The following ANKRD27 variants were observed in gnomAD, a reference collection of about 807,000 sequenced individuals.
The protein encoded by ANKRD27 is ankyrin repeat domain-containing protein 27.
ANKRD27 carries 112 observed loss-of-function variants against 129.7 expected under a neutral mutation model. The ratio of observed to expected loss-of-function variants is 0.86; its 90% CI spans 0.74 to 1.01. ANKRD27 has a LOEUF of 1.01. ANKRD27 is among the 50% of genes least tolerant of loss of function. ANKRD27 has a pLI of 0.00. For missense variants in ANKRD27, 1,258 were observed against 1,300.5 expected, an observed-to-expected ratio of 0.97 and a Z score of 0.50; for synonymous variants, 516 against 511.2, an observed-to-expected ratio of 1.01 and a Z score of -0.13.
chr19:32,665,465 TG>T (rs200328162), intron 1 of ANKRD27, among the ~76,000 whole-genome samples: 41 of 149,178 alleles, frequency 2.7e-4, no homozygotes, highest in Non-Finnish European at 3.3e-4. Flanking sequence ...AATTTTTGTT[TG>T]TTTGTTTGTT....
intron 3 of ANKRD27, 139 bp downstream of exon 3, chr19:32,649,543 G>T: frequency 1.5e-6 from 1 of 662,928 alleles, no homozygotes; most frequent in South Asian, 1.7e-5. Flanking sequence ...GGTCCCTCCA[G>T]CCCCCCACGG....
intron 22 of ANKRD27, among the ~76,000 whole-genome samples, chr19:32,608,992 C>T (rs762857181): frequency 9.2e-5 from 14 of 151,964 alleles, no homozygotes; most frequent in African/African-American, 1.5e-4. Flanking sequence ...CTCAGCCTCC[C>T]AAGTAGCTGG....
intron 2 of ANKRD27, among the ~76,000 whole-genome samples, chr19:32,650,818 T>C (rs1391279734): frequency 6.8e-6 from 1 of 146,002 alleles, no homozygotes; most frequent in South Asian, 2.2e-4. Context: ...GGCGCAATCA[T>C]AGCTCACTGC....
At chr19:32,600,800 G>A (rs17760114) in intron 26 of ANKRD27, among the ~76,000 whole-genome samples, 1 of 151,902 alleles carries the variant, frequency 6.6e-6, no homozygotes, top group East Asian at 1.9e-4. Context: ...CAGGGTTATC[G>A]AGATATGTGA....
intron 22 of ANKRD27, among the ~76,000 whole-genome samples, chr19:32,613,830 TC>T: frequency 6.6e-6 from 1 of 150,444 alleles, no homozygotes; most frequent in African/African-American, 2.4e-5. Flanking sequence ...TGCCTCAGCC[TC>T]CCGAGTAGCT....
chr19:32,618,451 G>GAAAAAAAA (rs55674756), intron 20 of ANKRD27, among the ~76,000 whole-genome samples: 1 of 100,320 alleles, frequency 1.0e-5, no homozygotes, highest in Admixed American at 1.2e-4. Flanking sequence ...GTCCCAAAAA[G>GAAAAAAAA]AAAAAAAAAA....
In ANKRD27 at chr19:32,643,148, C is replaced by A. The variant is rs138767777; in HGVS notation, c.757G>T (p.Asp253Tyr). The part of the protein sequence containing the change: ...TRSLQDLQQK[D>Y]IGVKPEFSFN... The stretch of plus-strand genomic sequence containing the variant: ...CTGAACTCCGGTTTCACACCAATAT[C>A]TTTCTGCTGAAGATCTTGAAGGCTT... The change falls in exon 9 of 29, where the codon GAT becomes TAT. Residue 253 changes from aspartate to tyrosine, a missense_variant. Asp to Tyr is a radical substitution (Grantham distance 160). Transcript: ENST00000306065. The A allele has an allele frequency of 1.9e-6, 3 of 1,613,810 alleles. No homozygotes were observed. The African/African-American group carries it at 4.0e-5, about 22-fold the overall frequency.
intron 17 of ANKRD27, among the ~76,000 whole-genome samples, chr19:32,624,932 C>A (rs28459606): frequency 2.6e-5 from 4 of 151,440 alleles, no homozygotes; most frequent in African/African-American, 9.7e-5. Context: ...GATCTTGTCT[C>A]AAAAAAAATT....
At chr19:32,673,655 G>A (rs149646832) in intron 1 of ANKRD27, among the ~76,000 whole-genome samples, 2 of 152,136 alleles carry the variant, frequency 1.3e-5, no homozygotes, top group African/African-American at 4.8e-5. Context: ...CCTATGTAGC[G>A]TGTGGGTGGC....
intron 1 of ANKRD27, chr19:32,673,078 A>C (rs1030868996): frequency 6.5e-6 from 1 of 152,850 alleles, no homozygotes; most frequent in African/African-American, 2.4e-5. Flanking sequence ...AAGACCCAGC[A>C]GCTGTCTTGG....
At chr19:32,623,511 C>T (rs1972044607) in intron 17 of ANKRD27, among the ~76,000 whole-genome samples, 1 of 151,380 alleles carries the variant, frequency 6.6e-6, no homozygotes. Flanking sequence ...GCTGGAAGAA[C>T]TGAGCCCATC....
chr19:32,652,777 A>AC (rs1188635189), intron 2 of ANKRD27, among the ~76,000 whole-genome samples: 1 of 151,816 alleles, frequency 6.6e-6, no homozygotes, highest in African/African-American at 2.4e-5. Flanking sequence ...AAAATACAAA[A>AC]ATTAGCCAGG....
In ANKRD27 at chr19:32,628,711, C is replaced by T. The variant is rs781360015; in HGVS notation, c.1337+11G>A. ...TCCTGGCACTCTGAGCCTCCACCAG[C>T]ACCCTCTTACCCAGAGACGAGTTTC... On this transcript the variant is annotated intron_variant, in intron 14 of 28. Coordinates refer to ENST00000306065, the MANE Select transcript of ANKRD27 (RefSeq NM_032139.3). 25 of 1,613,668 alleles carry T rather than the reference C, an allele frequency of 1.5e-5. No individual in the cohort carries two copies. The highest frequency in any genetic ancestry group is 2.1e-5 in the Non-Finnish European group (25 of 1,179,728).
chr19:32,665,231 T>A (rs1370851558), intron 1 of ANKRD27, among the ~76,000 whole-genome samples: 2 of 151,990 alleles, frequency 1.3e-5, no homozygotes, highest in African/African-American at 4.8e-5. Flanking sequence ...AGAATCACCT[T>A]GTCAATTACA....
intron 22 of ANKRD27, chr19:32,608,326 T>C: frequency 3.9e-6 from 1 of 257,972 alleles, no homozygotes; most frequent in South Asian, 3.7e-5. Flanking sequence ...CACTTTTTTT[T>C]TTTTCACCAG....
At chr19:32,658,772 G>A (rs923496656) in intron 2 of ANKRD27, 142 bp downstream of exon 2, 2 of 718,188 alleles carry the variant, frequency 2.8e-6, no homozygotes, top group South Asian at 1.6e-5. Flanking sequence ...GGGGCCCCTC[G>A]CTGCTCACTC....
In ANKRD27 at chr19:32,643,418, G is replaced by T; in HGVS notation, c.639+13C>A. 1 of 1,613,674 alleles carries T rather than the reference G, an allele frequency of 6.2e-7. No homozygotes were observed. The highest frequency in any genetic ancestry group is 1.1e-5 in the South Asian group (1 of 91,030). ...ACAGGGTGTGCCTCCCAGCCACTCC[G>T]CCCCACCCTCACCTCCACTGCCTGC... is the stretch of plus-strand genomic sequence containing the variant. On this transcript the variant is annotated intron_variant, in intron 7 of 28. Coordinates refer to ENST00000306065, the MANE Select transcript of ANKRD27 (RefSeq NM_032139.3).
chr19:32,663,263 A>T (rs1568420620), intron 1 of ANKRD27, among the ~76,000 whole-genome samples: 1 of 152,136 alleles, frequency 6.6e-6, no homozygotes, highest in Non-Finnish European at 1.5e-5. Context: ...AGCAGAATAC[A>T]GCCCCTTGAG....
chr19:32,652,239 G>A (rs1166439638), intron 2 of ANKRD27, among the ~76,000 whole-genome samples: 1 of 152,078 alleles, frequency 6.6e-6, no homozygotes, highest in Non-Finnish European at 1.5e-5. Flanking sequence ...AAATTTCAAG[G>A]CTTAACCAAA....
Sources: gnomAD v4.1 joint callset for allele counts (sites outside exome capture counted in the v4.1 genomes callset) on GRCh38, gnomAD v4.1.1 for gene constraint, MANE v1.5 for transcripts, NCBI Gene and HGNC (gene_info 2026-07-23, HGNC 2026-07-21) for gene names.